RTN4: variants seen among roughly 807,000 people sequenced by gnomAD.
RTN4 encodes reticulon 4.
In RTN4, 32 loss-of-function variants were observed where a neutral mutation model predicts 90.4. That is an observed-to-expected ratio of 0.35 (90% CI 0.27 to 0.48). The LOEUF (loss-of-function observed/expected upper bound fraction) is 0.48, where lower values mean the gene tolerates loss of function less well. Among genes scored for constraint, RTN4 ranks in the 20% least tolerant of loss-of-function variants. The pLI, the probability that RTN4 is intolerant of heterozygous loss-of-function variation, is 0.99. For synonymous variants in RTN4, 629 were observed against 552.5 expected (o/e 1.14, Z -1.94); for missense variants, 1,706 against 1,430.2 (o/e 1.19, Z -3.11).
At chr2:54,978,309 A>G (rs1397050594) in intron 5 of RTN4, among the ~76,000 whole-genome samples, 1 of 151,978 alleles carries the variant, frequency 6.6e-6, no homozygotes, top group Non-Finnish European at 1.5e-5. Context: ...GGACACCTGT[A>G]GTCCCAGCTA....
chr2:55,131,456 C>G, the RTN4 span, among the ~76,000 whole-genome samples: 4 of 152,124 alleles, frequency 2.6e-5, no homozygotes, highest in Non-Finnish European at 5.9e-5. Flanking sequence ...GATCCTTCCT[C>G]CTGGGCCTCC....
intron 3 of RTN4, among the ~76,000 whole-genome samples, chr2:55,005,084 G>T (rs77339786): frequency 6.6e-6 from 1 of 152,144 alleles, no homozygotes; most frequent in Non-Finnish European, 1.5e-5. Flanking sequence ...CTAGCGACAG[G>T]GAGTAATGAC....
rs529800184 is a variant in RTN4, at chr2:55,103,736, C to T, written c.-214+8784G>A. 2.0e-5 allele frequency among the ~76,000 whole-genome samples: 3 copies of T among 152,088 alleles called. 1 individual carries two copies. The highest frequency in any genetic ancestry group is 7.2e-5 in the African/African-American group (3 of 41,448). On this transcript the variant is annotated intron_variant, in intron 1 of 3. Coordinates refer to the RTN4 transcript ENST00000427710. ...TTGAAACGGAGTCTCGCTCTGTTGC[C>T]CAGAGTGGAGTGCAGTGGTGCAATC...
At chr2:55,084,285 G>T (rs1449675176) in intron 1 of RTN4, among the ~76,000 whole-genome samples, 4 of 150,152 alleles carry the variant, frequency 2.7e-5, no homozygotes, top group Non-Finnish European at 5.9e-5. Context: ...GGCTGTTCCT[G>T]AGTTGCATCC....
intron 3 of RTN4, among the ~76,000 whole-genome samples, chr2:55,008,158 C>A (rs967584695): frequency 6.6e-6 from 1 of 151,666 alleles, no homozygotes; most frequent in Admixed American, 6.6e-5. Context: ...CACACACACA[C>A]ACACACACAC....
rs570217214 is a variant in RTN4 at position 55,012,430 on chromosome 2, T to C, written c.3013+12656A>G. On this transcript the variant is annotated intron_variant, in intron 3 of 8. Transcript: ENST00000337526. The stretch of plus-strand genomic sequence containing the variant: ...TACAAGGAAAACTAGCTTGTGGAAA[T>C]CAACTGACATTTTGCCCAGTTCTTT... 7.4e-4 allele frequency among the ~76,000 whole-genome samples: 113 copies of C among 152,292 alleles called. No homozygotes were observed. In the Middle Eastern group the frequency reaches 0.017, roughly 23 times the overall value.
At chr2:55,122,453 A>G in the RTN4 span, among the ~76,000 whole-genome samples, 26 of 152,320 alleles carry the variant, frequency 1.7e-4, no homozygotes, top group African/African-American at 6.3e-4. Context: ...GCACAAGCCC[A>G]AGGCTCCAAA....
chr2:55,108,683 C>T (rs1208861367), intron 1 of RTN4, among the ~76,000 whole-genome samples: 1 of 152,100 alleles, frequency 6.6e-6, no homozygotes, highest in African/African-American at 2.4e-5. Context: ...TCTCTTATTA[C>T]TTTGATTCCC....
At position 55,039,871 on chromosome 2, in the gene RTN4, C is replaced by A. The variant is rs566337814; in HGVS notation, c.556+9874G>T. ...ATTTTAACCGTAGTTTTACCCTCAACTCTTTTAGTATTCCATTAAAATATA... is the reference window on the plus strand; with the variant it reads ...ATTTTAACCGTAGTTTTACCCTCAAATCTTTTAGTATTCCATTAAAATATA... On this transcript the variant is annotated intron_variant, in intron 1 of 8. Coordinates refer to ENST00000337526, the MANE Select transcript of RTN4 (RefSeq NM_020532.5). Among the ~76,000 whole-genome samples, 9 of 152,312 alleles carry A rather than the reference C, an allele frequency of 5.9e-5. No individual in the cohort carries two copies. In the South Asian group the frequency reaches 1.9e-3, roughly 32 times the overall value.
intron 1 of RTN4, among the ~76,000 whole-genome samples, chr2:55,048,401 C>A (rs1357801797): frequency 6.6e-6 from 1 of 152,124 alleles, no homozygotes; most frequent in East Asian, 1.9e-4. Flanking sequence ...ATTTTATAAA[C>A]TTTTTGGCTC....
Position 55,009,322 on chromosome 2 carries a change from A to T in RTN4, c.3013+15764T>A, listed in dbSNP as rs567286720. Among the ~76,000 whole-genome samples, 52 of 152,282 alleles carry T rather than the reference A, an allele frequency of 3.4e-4. No homozygotes were observed. In the Middle Eastern group the frequency reaches 0.014, roughly 40 times the overall value. ...TATACAGCCTACCACTTTCTTTTAAAGAAAAAAAGGTAGATTTAACCATCT... is the reference window on the plus strand; with the variant it reads ...TATACAGCCTACCACTTTCTTTTAATGAAAAAAAGGTAGATTTAACCATCT... On this transcript the variant is annotated intron_variant, in intron 3 of 8. Transcript: ENST00000337526.
chr2:55,050,603 C>A (rs1168557772), upstream of RTN4: 1 of 262,160 alleles, frequency 3.8e-6, no homozygotes, highest in Non-Finnish European at 7.2e-6. The surrounding 1 kb of genome is among the most constrained non-coding windows in gnomAD (Gnocchi z 4.6). Flanking sequence ...GGGACTGGCG[C>A]GGGAGGGAGA....
At chr2:54,985,297 C>G (rs915217012) in intron 4 of RTN4, among the ~76,000 whole-genome samples, 1 of 150,722 alleles carries the variant, frequency 6.6e-6, no homozygotes, top group African/African-American at 2.4e-5. Flanking sequence ...ATAGCTGGGA[C>G]TACTGGCATG....
chr2:54,990,560 A>G (rs1288465610), intron 3 of RTN4, among the ~76,000 whole-genome samples: 1 of 152,160 alleles, frequency 6.6e-6, no homozygotes, highest in Non-Finnish European at 1.5e-5. Flanking sequence ...AATCACAATC[A>G]TCTTACTCAA....
intron 2 of RTN4, among the ~76,000 whole-genome samples, chr2:55,066,479 G>C (rs1668396091): frequency 6.6e-6 from 1 of 152,082 alleles, no homozygotes; most frequent in African/African-American, 2.4e-5. Flanking sequence ...CGAATCACTT[G>C]AGGTCAGGAG....
intron 4 of RTN4, among the ~76,000 whole-genome samples, chr2:54,986,733 T>A (rs565583051): frequency 6.6e-6 from 1 of 152,098 alleles, no homozygotes; most frequent in African/African-American, 2.4e-5. Context: ...CGGGCGTTGG[T>A]TGGGGAGTTG....
upstream of RTN4, among the ~76,000 whole-genome samples, chr2:55,054,288 C>T (rs1668152266): frequency 6.6e-6 from 1 of 152,072 alleles, no homozygotes; most frequent in African/African-American, 2.4e-5. Flanking sequence ...TCTCATCTTT[C>T]TTATCTTGCT....
intron 2 of RTN4, among the ~76,000 whole-genome samples, chr2:55,076,780 G>C (rs1198960486): frequency 6.6e-6 from 1 of 152,106 alleles, no homozygotes; most frequent in Admixed American, 6.5e-5. Context: ...AATCATGGGG[G>C]TGGTTACCCC....
At position 55,050,071 on chromosome 2, in the gene RTN4, G is replaced by A; in HGVS notation, c.230C>T (p.Pro77Leu). 6.9e-7 allele frequency: 1 copy of A among 1,448,582 alleles called. No homozygotes were observed. The allele number at this position is 1,448,582 out of a possible 1,614,324, so 89.7% of individuals were successfully genotyped here. A position where few individuals can be genotyped will look rare whatever the true frequency, so the allele number is the denominator to read the frequency against. The part of the protein sequence containing the change: ...PVPTAPAAGA[P>L]LMDFGNDFVP... ...GAAGTCATTTCCGAAGTCCATCAGG[G>A]GCGCGCCGGCGGCAGGGGCGGTGGG... The change falls in exon 1 of 9, where the codon CCC (proline) becomes CTC (leucine). Residue 77 changes from proline (P) to leucine (L), a missense_variant. By Grantham distance (98) the Pro-to-Leu change is moderately conservative. Coordinates refer to ENST00000337526, the MANE Select transcript of RTN4 (RefSeq NM_020532.5). The surrounding 1 kb of genome is among the most constrained non-coding windows in gnomAD (Gnocchi z 4.6).
Sources: gnomAD v4.1 joint callset for allele counts (sites outside exome capture counted in the v4.1 genomes callset) on GRCh38, gnomAD v4.1.1 for gene constraint, Gnocchi (gnomAD v3.1) non-coding constraint, MANE v1.5 for transcripts, NCBI Gene and HGNC (gene_info 2026-07-23, HGNC 2026-07-21) for gene names.